ZNF385B: variants seen among roughly 807,000 people sequenced by gnomAD.
ZNF385B encodes the protein zinc finger protein 385B.
Under a neutral mutation model 39.2 loss-of-function variants are expected in ZNF385B, and 23 were observed. That is an observed-to-expected ratio of 0.59 (90% CI 0.42 to 0.83). ZNF385B has a LOEUF of 0.83. ZNF385B is among the 40% of genes least tolerant of loss of function. ZNF385B has a pLI of 0.00. For missense variants in ZNF385B, 552 were observed against 598.9 expected (o/e 0.92, Z 0.82); for synonymous variants, 205 against 222.6 (o/e 0.92, Z 0.70).
intron 3 of ZNF385B, among the ~76,000 whole-genome samples, chr2:179,566,641 G>T (rs1354758727): frequency 7.9e-5 from 12 of 152,150 alleles, no homozygotes; most frequent in Non-Finnish European, 1.8e-4. Flanking sequence ...GAAAATGGAA[G>T]TCCTCTATAA....
At chr2:179,640,953 C>T (rs1009071029) in intron 3 of ZNF385B, among the ~76,000 whole-genome samples, 59 of 152,102 alleles carry the variant, frequency 3.9e-4, no homozygotes, top group African/African-American at 1.4e-3. Context: ...TATGAATGTA[C>T]TTTCTCTCTG....
At chr2:179,689,912 C>T (rs1438124071) in intron 3 of ZNF385B, among the ~76,000 whole-genome samples, 1 of 151,878 alleles carries the variant, frequency 6.6e-6, no homozygotes, top group Non-Finnish European at 1.5e-5. Flanking sequence ...ACAGCAGCTC[C>T]TTACCTGTTG....
intron 1 of ZNF385B, among the ~76,000 whole-genome samples, chr2:179,848,424 A>G (rs1372682406): frequency 6.6e-6 from 1 of 152,218 alleles, no homozygotes; most frequent in Non-Finnish European, 1.5e-5. Flanking sequence ...ACACTTAAAG[A>G]TGAAATTATT....
chr2:179,657,626 G>A (rs4893879), intron 3 of ZNF385B, among the ~76,000 whole-genome samples: 23,856 of 152,076 alleles, frequency 0.16, 1,926 homozygotes, highest in South Asian at 0.19. Flanking sequence ...GAACATTGAC[G>A]TAAATAACTT....
intron 3 of ZNF385B, among the ~76,000 whole-genome samples, chr2:179,757,770 G>A (rs1703136371): frequency 6.6e-6 from 1 of 152,188 alleles, no homozygotes; most frequent in South Asian, 2.1e-4. Context: ...CCAGGTGCGG[G>A]ATATAATCTC....
At chr2:179,786,570 A>AC (rs1161393089) in intron 1 of ZNF385B, among the ~76,000 whole-genome samples, 2 of 152,014 alleles carry the variant, frequency 1.3e-5, no homozygotes, top group Admixed American at 1.3e-4. Context: ...ATCTTAGGTA[A>AC]CCCCCCTAAG....
intron 3 of ZNF385B, among the ~76,000 whole-genome samples, chr2:179,751,799 C>T (rs1025343958): frequency 6.6e-6 from 1 of 152,120 alleles, no homozygotes; most frequent in Non-Finnish European, 1.5e-5. Flanking sequence ...ATCCAAACTA[C>T]TACTCCACTT....
intron 1 of ZNF385B, among the ~76,000 whole-genome samples, chr2:179,848,946 C>T (rs747893799): frequency 3.3e-5 from 5 of 152,180 alleles, no homozygotes; most frequent in Non-Finnish European, 7.4e-5. Flanking sequence ...AAGGGCTTAT[C>T]ATGTTTCTGG....
At chr2:179,705,428 C>T (rs1157886816) in intron 3 of ZNF385B, among the ~76,000 whole-genome samples, 1 of 152,184 alleles carries the variant, frequency 6.6e-6, no homozygotes, top group Non-Finnish European at 1.5e-5. Flanking sequence ...TTCTCACCAC[C>T]CACAAAACCA....
intron 3 of ZNF385B, among the ~76,000 whole-genome samples, chr2:179,595,228 ACTTCCAAAATGAAAAATTTTGC>A (rs1296440962): frequency 6.6e-6 from 1 of 152,220 alleles, no homozygotes; most frequent in Non-Finnish European, 1.5e-5. Context: ...TTTTATTACT[ACTTCCAAAATGAAAAATTTTGC>A]CTTCCTCAAT....
At chr2:179,827,230 A>T (rs1707728649) in intron 1 of ZNF385B, among the ~76,000 whole-genome samples, 1 of 152,166 alleles carries the variant, frequency 6.6e-6, no homozygotes, top group Non-Finnish European at 1.5e-5. Flanking sequence ...ATGTCCGAGG[A>T]GCTGCAAGAA....
At chr2:179,616,625 T>A (rs150190647) in intron 3 of ZNF385B, among the ~76,000 whole-genome samples, 5,599 of 152,280 alleles carry the variant, frequency 0.037, 148 homozygotes, top group Middle Eastern at 0.065. Context: ...AGTGGTGCGA[T>A]CATAGCTCCC....
chr2:179,791,046 T>C (rs1705295337), intron 1 of ZNF385B, among the ~76,000 whole-genome samples: 1 of 152,200 alleles, frequency 6.6e-6, no homozygotes, highest in South Asian at 2.1e-4. Context: ...TGCATAGAGA[T>C]TATTCCTTCT....
intron 5 of ZNF385B, 45 bp from the exon 6 acceptor site, chr2:179,483,479 A>T (rs1201948240): frequency 1.2e-6 from 2 of 1,611,170 alleles, no homozygotes; most frequent in Non-Finnish European, 1.7e-6. Context: ...CTAATTACAA[A>T]CACCACAGTG....
chr2:179,569,343 T>C (rs1299053051), intron 3 of ZNF385B, among the ~76,000 whole-genome samples: 1 of 152,228 alleles, frequency 6.6e-6, no homozygotes, highest in African/African-American at 2.4e-5. Context: ...TAAATATGCA[T>C]ATTTTACTTT....
chr2:179,819,973 CA>C (rs1260735805), intron 1 of ZNF385B, among the ~76,000 whole-genome samples: 1 of 152,142 alleles, frequency 6.6e-6, no homozygotes, highest in Admixed American at 6.5e-5. Flanking sequence ...AAAAAAATGT[CA>C]TTAGCACACT....
In ZNF385B at chr2:179,554,025, C is replaced by T. The variant is rs1238329138; in HGVS notation, c.299-9056G>A. Among the ~76,000 whole-genome samples the T allele has an allele frequency of 1.3e-5, 2 of 149,008 alleles. 1 individual carries two copies. Among genetic ancestry groups the T allele is most frequent in the Non-Finnish European group, 3.0e-5 (2 of 67,472 alleles). On this transcript the variant is annotated intron_variant, in intron 3 of 9. Transcript: ENST00000410066. ...TTTTACTTATTTATACCTCCACTGT[C>T]TTTTCTATAATTAAGAAAAATAAGA...
intron 3 of ZNF385B, among the ~76,000 whole-genome samples, chr2:179,722,023 T>A (rs1172417681): frequency 1.3e-5 from 2 of 152,054 alleles, no homozygotes; most frequent in African/African-American, 4.8e-5. Flanking sequence ...ACAAGATGAA[T>A]ACAAATAAAC....
intron 4 of ZNF385B, among the ~76,000 whole-genome samples, chr2:179,540,655 A>G (rs910909190): frequency 1.3e-5 from 2 of 152,194 alleles, no homozygotes; most frequent in African/African-American, 4.8e-5. Flanking sequence ...CTCTCTTCCA[A>G]AAAATGTTGT....
Sources: gnomAD v4.1 joint callset for allele counts (sites outside exome capture counted in the v4.1 genomes callset) on GRCh38, gnomAD v4.1.1 for gene constraint, MANE v1.5 for transcripts, NCBI Gene and HGNC (gene_info 2026-07-23, HGNC 2026-07-21) for gene names.